The following ELMO1 variants were observed in gnomAD, a reference collection of about 807,000 sequenced individuals.
The protein encoded by ELMO1 is engulfment and cell motility 1.
In ELMO1, 26 loss-of-function variants were observed where a neutral mutation model predicts 98.9. The observed-to-expected ratio is 0.26, with a 90% CI of 0.19 to 0.36. The LOEUF (loss-of-function observed/expected upper bound fraction) is 0.36. ELMO1 is among the 10% of genes least tolerant of loss of function. The pLI, the probability that ELMO1 is intolerant of heterozygous loss-of-function variation, is 1.00. For missense variants in ELMO1, 627 were observed against 935.2 expected (o/e 0.67, Z 4.30); for synonymous variants, 346 against 346.0 (o/e 1.00, Z 0.00).
At chr7:37,024,225 C>A (rs1794444025) in intron 15 of ELMO1, among the ~76,000 whole-genome samples, 1 of 152,188 alleles carries the variant, frequency 6.6e-6, no homozygotes, top group Non-Finnish European at 1.5e-5. Context: ...GGCACTGCCA[C>A]TTATTATCTG....
chr7:37,307,878 G>A (rs1289553668), intron 4 of ELMO1, among the ~76,000 whole-genome samples: 11 of 152,168 alleles, frequency 7.2e-5, no homozygotes, highest in African/African-American at 1.9e-4. Context: ...GTGGGAGGCC[G>A]AGGCGGGCAG....
chr7:37,108,738 T>C (rs566452056), intron 14 of ELMO1, among the ~76,000 whole-genome samples: 1 of 152,156 alleles, frequency 6.6e-6, no homozygotes, highest in East Asian at 1.9e-4. Flanking sequence ...TGCAGCAGAG[T>C]TGCACATACA....
intron 16 of ELMO1, among the ~76,000 whole-genome samples, chr7:36,907,951 G>T (rs1049143005): frequency 2.6e-5 from 4 of 152,184 alleles, no homozygotes; most frequent in African/African-American, 9.7e-5. Context: ...CACAGGACGG[G>T]TCAATAACTT....
At chr7:36,865,294 G>A (rs1210602558) in intron 20 of ELMO1, among the ~76,000 whole-genome samples, 1 of 152,080 alleles carries the variant, frequency 6.6e-6, no homozygotes, top group Non-Finnish European at 1.5e-5. Context: ...CATGTGTGTG[G>A]GTGTTAAATT....
At chr7:37,220,951 C>G (rs1793560579) in intron 10 of ELMO1, among the ~76,000 whole-genome samples, 1 of 152,156 alleles carries the variant, frequency 6.6e-6, no homozygotes, top group African/African-American at 2.4e-5. Context: ...CTCCAATGCC[C>G]AAGTCAAGCT....
intron 1 of ELMO1, among the ~76,000 whole-genome samples, chr7:37,359,099 T>C (rs2700979): frequency 0.56 from 85,602 of 151,976 alleles, 24,286 homozygotes; most frequent in Non-Finnish European, 0.6. Context: ...CTCTGCCAAT[T>C]TGTTGACCTG....
intron 2 of ELMO1, among the ~76,000 whole-genome samples, chr7:37,340,331 G>A (rs763835367): frequency 6.6e-6 from 1 of 152,154 alleles, no homozygotes; most frequent in Non-Finnish European, 1.5e-5. Flanking sequence ...TCCATCAAAT[G>A]GTTCAGAAAA....
At position 37,061,368 on chromosome 7, in the gene ELMO1, C is replaced by T. The variant is rs556335322; in HGVS notation, c.1300+35251G>A. ...AGAGATCTCCTTAATGCAAAAGGCA[C>T]GTTCTAGAGAGAAGCTTTATTGAAA... On this transcript the variant is annotated intron_variant, in intron 15 of 21. Transcript: ENST00000310758. Among the ~76,000 whole-genome samples, 109 of 152,256 alleles carry T rather than the reference C, an allele frequency of 7.2e-4. 1 individual carries two copies. The highest frequency in any genetic ancestry group is 1.7e-3 in the South Asian group (8 of 4,832).
chr7:37,097,642 G>C (rs1562998938), intron 14 of ELMO1, among the ~76,000 whole-genome samples: 1 of 151,864 alleles, frequency 6.6e-6, no homozygotes, highest in Non-Finnish European at 1.5e-5. Context: ...AAGAAAAAAT[G>C]AATGAATGAA....
At chr7:37,084,579 C>T (rs968883194) in intron 15 of ELMO1, among the ~76,000 whole-genome samples, 3 of 152,142 alleles carry the variant, frequency 2.0e-5, no homozygotes, top group African/African-American at 7.2e-5. Context: ...CCATCTAATA[C>T]CTGCATCACC....
intron 1 of ELMO1, among the ~76,000 whole-genome samples, chr7:37,442,265 A>C (rs1805442102): frequency 6.6e-6 from 1 of 152,226 alleles, no homozygotes. Flanking sequence ...AATGGCCAAC[A>C]GCCTACAAGT....
intron 2 of ELMO1, among the ~76,000 whole-genome samples, chr7:37,326,509 C>T (rs560931876): frequency 4.2e-4 from 62 of 147,966 alleles, no homozygotes; most frequent in South Asian, 1.1e-3. Flanking sequence ...GAGCCGAGAT[C>T]GCACCACTGC....
chr7:37,329,340 G>A (rs1421605463), intron 2 of ELMO1, among the ~76,000 whole-genome samples: 1 of 152,156 alleles, frequency 6.6e-6, no homozygotes, highest in Non-Finnish European at 1.5e-5. Flanking sequence ...TGTGTACATT[G>A]TGGAATGATC....
chr7:37,263,506 A>G (rs572450730), intron 5 of ELMO1, among the ~76,000 whole-genome samples: 1 of 152,354 alleles, frequency 6.6e-6, no homozygotes, highest in East Asian at 1.9e-4. Flanking sequence ...GCAATAAAAA[A>G]TCAAATATTG....
chr7:36,988,904 G>A (rs928888031), intron 16 of ELMO1, among the ~76,000 whole-genome samples: 1 of 152,186 alleles, frequency 6.6e-6, no homozygotes, highest in Non-Finnish European at 1.5e-5. Flanking sequence ...ATGACTCCTT[G>A]CCCATCCTAA....
chr7:36,926,825 C>T (rs1785614743), intron 16 of ELMO1, among the ~76,000 whole-genome samples: 1 of 152,178 alleles, frequency 6.6e-6, no homozygotes, highest in South Asian at 2.1e-4. Flanking sequence ...TTTCTATATT[C>T]CTAATGCAAC....
At chr7:37,206,903 A>AT (rs913087845) in intron 13 of ELMO1, among the ~76,000 whole-genome samples, 1 of 152,174 alleles carries the variant, frequency 6.6e-6, no homozygotes, top group Non-Finnish European at 1.5e-5. Context: ...GAAAAAAAAA[A>AT]GCCTTGTCTG....
intron 1 of ELMO1, among the ~76,000 whole-genome samples, chr7:37,396,105 T>C (rs1803289362): frequency 1.3e-5 from 2 of 151,866 alleles, no homozygotes; most frequent in Admixed American, 6.6e-5. Context: ...ACAGTGGACC[T>C]TGATTCAGAT....
At chr7:37,038,231 T>A (rs560618588) in intron 15 of ELMO1, among the ~76,000 whole-genome samples, 21 of 152,112 alleles carry the variant, frequency 1.4e-4, no homozygotes, top group Non-Finnish European at 2.8e-4. Flanking sequence ...TTCCCATGTC[T>A]CCCTTGCTCA....
Sources: allele counts gnomAD v4.1 joint callset (sites outside exome capture counted in the v4.1 genomes callset), GRCh38; gene constraint gnomAD v4.1.1; transcripts MANE v1.5; gene names NCBI Gene and HGNC (gene_info 2026-07-23, HGNC 2026-07-21).